The following SCAPER variants were observed in gnomAD, a reference collection of about 807,000 sequenced individuals.
SCAPER encodes S-phase cyclin A associated protein in the ER.
Under a neutral mutation model 182.2 loss-of-function variants are expected in SCAPER, and 98 were observed. The observed-to-expected ratio is 0.54, with a 90% CI of 0.46 to 0.64. SCAPER has a LOEUF of 0.64. SCAPER is among the 30% of genes least tolerant of loss of function. The probability of loss-of-function intolerance (pLI) is 0.00; values close to 1 mark genes in which losing one functional copy is unlikely to be tolerated. For missense variants in SCAPER, 1,432 were observed against 1,690.0 expected, an observed-to-expected ratio of 0.85 and a Z score of 2.68; for synonymous variants, 605 against 564.6, an observed-to-expected ratio of 1.07 and a Z score of -1.01.
chr15:76,767,149 T>C, intron 10 of SCAPER, 61 bp from the exon 11 acceptor site: 1 of 1,401,324 alleles, frequency 7.1e-7, no homozygotes, highest in South Asian at 1.3e-5. Flanking sequence ...AAAGTAATCA[T>C]TTTTTATGTT....
intron 23 of SCAPER, among the ~76,000 whole-genome samples, chr15:76,508,198 T>C (rs1356809377): frequency 1.3e-5 from 2 of 152,182 alleles, no homozygotes; most frequent in Non-Finnish European, 2.9e-5. Context: ...CTTTTTTTGG[T>C]TGATTGCTTA....
chr15:76,702,819 A>C, intron 19 of SCAPER, 31 bp downstream of exon 19: 1 of 1,576,264 alleles, frequency 6.3e-7, no homozygotes. Flanking sequence ...GTAGTAAACT[A>C]TATCATTACA....
intron 23 of SCAPER, among the ~76,000 whole-genome samples, chr15:76,513,533 G>C (rs557659011): frequency 1.3e-5 from 2 of 152,260 alleles, no homozygotes; most frequent in South Asian, 4.1e-4. Context: ...AATCTAAAAA[G>C]AAAATAATCC....
At chr15:76,396,282 C>T (rs115747001) in intron 27 of SCAPER, among the ~76,000 whole-genome samples, 1,630 of 152,240 alleles carry the variant, frequency 0.011, 39 homozygotes, top group African/African-American at 0.037. Flanking sequence ...GTTCTTTTCC[C>T]TTAGGATAGC....
At chr15:76,753,972 C>T (rs1273480476) in intron 14 of SCAPER, 24 bp from the exon 15 acceptor site, 1 of 1,607,320 alleles carries the variant, frequency 6.2e-7, no homozygotes, top group East Asian at 2.2e-5. Context: ...ATCATCACAT[C>T]CTTAATTTCA....
intron 29 of SCAPER, among the ~76,000 whole-genome samples, chr15:76,370,904 A>G (rs2042119614): frequency 6.6e-6 from 1 of 152,194 alleles, no homozygotes; most frequent in Admixed American, 6.5e-5. Context: ...GTCAGCATCT[A>G]AGGGAAAGAA....
intron 27 of SCAPER, among the ~76,000 whole-genome samples, chr15:76,392,020 A>G (rs887731211): frequency 5.9e-5 from 9 of 152,230 alleles, no homozygotes; most frequent in Admixed American, 5.9e-4. Context: ...TCATGAGCAG[A>G]ATAAGGCAGT....
chr15:76,801,921 A>C (rs1018519957), intron 6 of SCAPER, among the ~76,000 whole-genome samples: 3 of 151,268 alleles, frequency 2.0e-5, no homozygotes, highest in Non-Finnish European at 3.0e-5. Flanking sequence ...AGGAAAAAAA[A>C]AAAAGGGATG....
At chr15:76,431,063 C>T (rs954182639) in intron 26 of SCAPER, among the ~76,000 whole-genome samples, 9 of 146,502 alleles carry the variant, frequency 6.1e-5, no homozygotes, top group African/African-American at 1.5e-4. Flanking sequence ...ACAACCCATG[C>T]AACACATGAC....
At chr15:76,815,743 T>G (rs2067023696) in intron 5 of SCAPER, among the ~76,000 whole-genome samples, 1 of 152,098 alleles carries the variant, frequency 6.6e-6, no homozygotes. Flanking sequence ...CTAGGTTGAG[T>G]GCTCCTTAGG....
chr15:76,481,764 G>A (rs283796), intron 24 of SCAPER, among the ~76,000 whole-genome samples: 15,571 of 152,196 alleles, frequency 0.1, 937 homozygotes, highest in African/African-American at 0.17. Context: ...TATCACCTAA[G>A]TGTGTATCTC....
At chr15:76,362,581 T>A (rs1173458446) in intron 29 of SCAPER, among the ~76,000 whole-genome samples, 1 of 151,854 alleles carries the variant, frequency 6.6e-6, no homozygotes, top group Non-Finnish European at 1.5e-5. Context: ...CCCGGCTAAT[T>A]TTTTTATCCT....
intron 23 of SCAPER, among the ~76,000 whole-genome samples, chr15:76,531,780 G>A (rs1221557712): frequency 6.6e-6 from 1 of 152,148 alleles, no homozygotes; most frequent in Non-Finnish European, 1.5e-5. Flanking sequence ...GTGGCCTTGA[G>A]CATCCTATGG....
At chr15:76,616,659 A>T (rs2051518056) in intron 22 of SCAPER, among the ~76,000 whole-genome samples, 1 of 152,302 alleles carries the variant, frequency 6.6e-6, no homozygotes, top group East Asian at 1.9e-4. Flanking sequence ...AAAATGAAAA[A>T]AAGTACAGTC....
intron 5 of SCAPER, among the ~76,000 whole-genome samples, chr15:76,819,597 A>C (rs1019178645): frequency 6.6e-6 from 1 of 152,200 alleles, no homozygotes; most frequent in African/African-American, 2.4e-5. Context: ...CGTCATCATC[A>C]TCAAAGACCA....
chr15:76,350,700 A>C (rs2040486829), intron 31 of SCAPER: 1 of 151,470 alleles, frequency 6.6e-6, no homozygotes, highest in South Asian at 2.1e-4. Context: ...ATGCTATAGG[A>C]AAAAAAAACA....
chr15:76,605,099 C>T (rs1246335486), intron 22 of SCAPER, among the ~76,000 whole-genome samples: 1 of 152,144 alleles, frequency 6.6e-6, no homozygotes, highest in Non-Finnish European at 1.5e-5. Context: ...CTGTCTTGTG[C>T]CCGTTTTCAA....
intron 28 of SCAPER, 93 bp from the exon 29 acceptor site, chr15:76,376,404 C>A: frequency 1.5e-6 from 2 of 1,351,488 alleles, no homozygotes; most frequent in Non-Finnish European, 2.0e-6. Flanking sequence ...TACTTTCTGC[C>A]ATGGTGGTGG....
At chr15:76,627,369 G>A (rs1014595229) in intron 21 of SCAPER, among the ~76,000 whole-genome samples, 5 of 151,646 alleles carry the variant, frequency 3.3e-5, no homozygotes, top group Admixed American at 3.3e-4. Flanking sequence ...TTCCATGGGG[G>A]TGCACCTATC....
Sources: allele counts gnomAD v4.1 joint callset (sites outside exome capture counted in the v4.1 genomes callset), GRCh38; gene constraint gnomAD v4.1.1; transcripts MANE v1.5; gene names NCBI Gene and HGNC (gene_info 2026-07-23, HGNC 2026-07-21).